The following ANKRD31 variants were observed in gnomAD, a reference collection of about 807,000 sequenced individuals.
ANKRD31 encodes ankyrin repeat domain-containing protein 31.
In ANKRD31, 147 loss-of-function variants were observed where a neutral mutation model predicts 186.0. The ratio of observed to expected loss-of-function variants is 0.79; its 90% CI spans 0.69 to 0.91. The LOEUF (loss-of-function observed/expected upper bound fraction) is 0.91, where lower values mean the gene tolerates loss of function less well. Among genes scored for constraint, ANKRD31 ranks in the 40% least tolerant of loss-of-function variants. ANKRD31 has a pLI of 0.00. For missense variants in ANKRD31, 1,986 were observed against 2,148.8 expected, an observed-to-expected ratio of 0.92 and a Z score of 1.50; for synonymous variants, 673 against 736.4, an observed-to-expected ratio of 0.91 and a Z score of 1.39.
intron 11 of ANKRD31, among the ~76,000 whole-genome samples, chr5:75,157,321 T>C (rs746728356): frequency 2.0e-5 from 3 of 152,208 alleles, no homozygotes; most frequent in Admixed American, 6.5e-5. Context: ...GCAGAACTTA[T>C]AAATGCTAAA....
At chr5:75,099,136 A>C (rs1187593535) in intron 22 of ANKRD31, among the ~76,000 whole-genome samples, 1 of 152,198 alleles carries the variant, frequency 6.6e-6, no homozygotes, top group Admixed American at 6.5e-5. Context: ...AGTTTTTAGC[A>C]TGAAGTATTG....
At chr5:75,206,068 C>T (rs1474176025) in intron 5 of ANKRD31, among the ~76,000 whole-genome samples, 1 of 150,984 alleles carries the variant, frequency 6.6e-6, no homozygotes, top group African/African-American at 2.4e-5. Flanking sequence ...AATAGCAACA[C>T]TGATTTCATA....
chr5:75,158,581 G>A (rs539320247), intron 11 of ANKRD31, among the ~76,000 whole-genome samples: 116 of 152,220 alleles, frequency 7.6e-4, no homozygotes, highest in African/African-American at 2.7e-3. Context: ...TTCTAAACCA[G>A]CCTAGGTGAC....
chr5:75,204,539 C>G (rs926044670), intron 5 of ANKRD31, among the ~76,000 whole-genome samples: 1 of 152,208 alleles, frequency 6.6e-6, no homozygotes, highest in Non-Finnish European at 1.5e-5. Context: ...TGTAGTGTTA[C>G]TAGAAACTTA....
chr5:75,165,183 T>C (rs1023466968), intron 11 of ANKRD31, among the ~76,000 whole-genome samples: 1 of 152,064 alleles, frequency 6.6e-6, no homozygotes, highest in African/African-American at 2.4e-5. Context: ...GTCCAAATAC[T>C]CCAAAATCCA....
chr5:75,173,524 T>C, intron 10 of ANKRD31, among the ~76,000 whole-genome samples: 1 of 152,186 alleles, frequency 6.6e-6, no homozygotes, highest in Non-Finnish European at 1.5e-5. Context: ...GATAAGCAAC[T>C]TCAGCAAAGT....
chr5:75,081,274 C>CT (rs1254385750), intron 24 of ANKRD31, among the ~76,000 whole-genome samples: 63 of 147,604 alleles, frequency 4.3e-4, no homozygotes, highest in Admixed American at 6.8e-4. Flanking sequence ...ATTTCCTTTT[C>CT]TTTTTTTTTT....
chr5:75,183,276 T>C (rs1024649490), intron 10 of ANKRD31, among the ~76,000 whole-genome samples: 5 of 152,184 alleles, frequency 3.3e-5, no homozygotes. Context: ...ATAAATCCCA[T>C]ATATGGGCTT....
chr5:75,128,737 A>G (rs892911914), intron 17 of ANKRD31, among the ~76,000 whole-genome samples: 17 of 149,640 alleles, frequency 1.1e-4, no homozygotes, highest in African/African-American at 4.2e-4. Context: ...GATGATCTCG[A>G]TCTCCTGACC....
At chr5:75,091,788 C>T (rs1745942488) in intron 22 of ANKRD31, among the ~76,000 whole-genome samples, 1 of 152,162 alleles carries the variant, frequency 6.6e-6, no homozygotes, top group South Asian at 2.1e-4. Context: ...CCCCCAGCTA[C>T]TGTTGCTAAG....
rs2149990259 is a variant in ANKRD31 at position 75,068,637 on chromosome 5, C to A, written c.5675G>T (p.Ser1892Ile). 1 of 1,518,736 alleles carries A rather than the reference C, an allele frequency of 6.6e-7. No homozygotes were observed. Among genetic ancestry groups the A allele is most frequent in the Non-Finnish European group, 8.8e-7 (1 of 1,139,492 alleles). 94.1% of individuals were successfully genotyped at this position (1,518,736 alleles called of 1,614,324 possible). ...TTCATTTATTTGTAGATAACGTGGG[C>A]TGCTTTGCATTGACTCTCTGGAAGT... is the stretch of plus-strand genomic sequence containing the variant. Reference protein sequence around the residue: ...QGTSRESMQSSPRYLQINEIL... With the variant: ...QGTSRESMQSIPRYLQINEIL... The change falls in exon 26 of 26, where the codon AGC (serine) becomes ATC (isoleucine). Residue 1892 changes from serine (S) to isoleucine (I), a missense_variant. Coordinates refer to ENST00000506364, the MANE Select transcript of ANKRD31 (RefSeq NM_001372053.1).
chr5:75,232,286 G>A (rs927779478), intron 1 of ANKRD31, among the ~76,000 whole-genome samples: 1 of 151,894 alleles, frequency 6.6e-6, no homozygotes, highest in Non-Finnish European at 1.5e-5. Context: ...TTTCTTTTCA[G>A]ACACAGTCAC....
At chr5:75,192,262 C>T (rs958113297) in intron 9 of ANKRD31, among the ~76,000 whole-genome samples, 1 of 152,074 alleles carries the variant, frequency 6.6e-6, no homozygotes, top group Non-Finnish European at 1.5e-5. Context: ...TCTCTTATTG[C>T]TTCTGAGAGT....
intron 25 of ANKRD31, among the ~76,000 whole-genome samples, chr5:75,071,179 C>T (rs1744198044): frequency 6.6e-6 from 1 of 151,678 alleles, no homozygotes; most frequent in Non-Finnish European, 1.5e-5. Context: ...TCAGCCACTG[C>T]TTTAGAGAAT....
chr5:75,187,452 G>A (rs1754815040), intron 10 of ANKRD31, among the ~76,000 whole-genome samples: 3 of 151,062 alleles, frequency 2.0e-5, no homozygotes, highest in Non-Finnish European at 4.4e-5. Flanking sequence ...GTTAACACTG[G>A]CACATTAAAA....
At chr5:75,158,096 T>G (rs572661072) in intron 11 of ANKRD31, among the ~76,000 whole-genome samples, 65 of 152,208 alleles carry the variant, frequency 4.3e-4, no homozygotes, top group African/African-American at 1.5e-3. Flanking sequence ...TCCAAGGCAA[T>G]GTCCTTTGAG....
intron 10 of ANKRD31, among the ~76,000 whole-genome samples, chr5:75,175,662 C>CACACAA (rs1753730799): frequency 6.6e-6 from 1 of 151,772 alleles, no homozygotes; most frequent in Non-Finnish European, 1.5e-5. Flanking sequence ...CACACACACA[C>CACACAA]ACACACACAC....
At chr5:75,110,155 G>A (rs182273853) in intron 20 of ANKRD31, among the ~76,000 whole-genome samples, 3 of 152,096 alleles carry the variant, frequency 2.0e-5, no homozygotes, top group African/African-American at 7.2e-5. Flanking sequence ...AAAACCTGGG[G>A]GTGGTGGGGA....
intron 11 of ANKRD31, among the ~76,000 whole-genome samples, chr5:75,162,742 C>T (rs894424600): frequency 2.6e-5 from 4 of 151,984 alleles, no homozygotes; most frequent in Admixed American, 2.0e-4. Flanking sequence ...CAGTTTCTCC[C>T]ATACTGTTCT....
Sources: allele counts gnomAD v4.1 joint callset (sites outside exome capture counted in the v4.1 genomes callset), GRCh38; gene constraint gnomAD v4.1.1; transcripts MANE v1.5; gene names NCBI Gene and HGNC (gene_info 2026-07-23, HGNC 2026-07-21).